The following NR3C2 variants were observed in gnomAD, a reference collection of about 807,000 sequenced individuals.
NR3C2 encodes nuclear receptor subfamily 3 group C member 2, also known as mineralocorticoid receptor.
NR3C2 carries 15 observed loss-of-function variants against 86.4 expected under a neutral mutation model. The observed-to-expected ratio is 0.17, with a 90% CI of 0.12 to 0.27. The LOEUF (loss-of-function observed/expected upper bound fraction) is 0.27, where lower values mean the gene tolerates loss of function less well. Ranked by LOEUF, NR3C2 falls within the 10% of genes least tolerant of loss-of-function variation. NR3C2 has a pLI of 1.00. For missense variants in NR3C2, 960 were observed against 1,195.6 expected, an observed-to-expected ratio of 0.80 and a Z score of 2.91; for synonymous variants, 458 against 450.5, an observed-to-expected ratio of 1.02 and a Z score of -0.21.
chr4:148,271,441 C>A (rs2149885198), intron 2 of NR3C2, among the ~76,000 whole-genome samples: 1 of 122,744 alleles, frequency 8.1e-6, no homozygotes, highest in East Asian at 2.6e-4. Flanking sequence ...ATACTTGAAG[C>A]CTAAGGTTTC....
At chr4:148,285,013 CAG>C (rs1377721443) in intron 2 of NR3C2, among the ~76,000 whole-genome samples, 1 of 152,170 alleles carries the variant, frequency 6.6e-6, no homozygotes, top group Non-Finnish European at 1.5e-5. Context: ...TTGCTGGACT[CAG>C]AAGCCAATTC....
chr4:148,207,473 T>C (rs1171603542), intron 3 of NR3C2, among the ~76,000 whole-genome samples: 1 of 152,232 alleles, frequency 6.6e-6, no homozygotes, highest in Non-Finnish European at 1.5e-5. Flanking sequence ...TTTGGCTAAA[T>C]TTGTTTAAAA....
At chr4:148,254,985 A>G (rs555885551) in intron 3 of NR3C2, among the ~76,000 whole-genome samples, 2 of 152,282 alleles carry the variant, frequency 1.3e-5, no homozygotes, top group East Asian at 3.9e-4. Context: ...TATTTGAATT[A>G]TTACGTAATA....
At position 148,139,183 on chromosome 4, in the gene NR3C2, C is replaced by A. The variant is rs145569075; in HGVS notation, c.2510+13286G>T. 2.8e-3 allele frequency among the ~76,000 whole-genome samples: 425 copies of A among 152,308 alleles called. 1 individual carries two copies. Among genetic ancestry groups the A allele is most frequent in the African/African-American group, 9.5e-3 (393 of 41,568 alleles). ...GAAACCATCATTAGGCTCCAAAGCT[C>A]TATACTGTGTGTAACTGCCTGAAAA... On this transcript the variant is annotated intron_variant, in intron 6 of 8. Transcript: ENST00000358102.
intron 2 of NR3C2, among the ~76,000 whole-genome samples, chr4:148,316,877 C>G (rs1743213746): frequency 6.6e-6 from 1 of 152,152 alleles, no homozygotes; most frequent in African/African-American, 2.4e-5. Context: ...TCATGGCTCA[C>G]TGCAGCCTAG....
Position 148,080,324 on chromosome 4 carries a change from A to G in NR3C2, c.*1020T>C, listed in dbSNP as rs956374924. Reference sequence around the variant, plus strand: ...GTTTCAAGACAACCGAAGAGGTTTCAGTGTGGTTATTTACAACAGAGACTG... The same window carrying G: ...GTTTCAAGACAACCGAAGAGGTTTCGGTGTGGTTATTTACAACAGAGACTG... On this transcript the variant is annotated 3_prime_UTR_variant, in exon 9 of 9. Coordinates refer to ENST00000358102, the MANE Select transcript of NR3C2 (RefSeq NM_000901.5). 2.6e-5 allele frequency: 4 copies of G among 152,702 alleles called. No individual in the cohort carries two copies. The highest frequency in any genetic ancestry group is 4.4e-5 in the Non-Finnish European group (3 of 68,046). 9.5% of individuals were successfully genotyped at this position (152,702 alleles called of 1,614,324 possible). A position where few individuals can be genotyped will look rare whatever the true frequency, so the allele number is the denominator to read the frequency against.
At chr4:148,246,353 G>C (rs866219410) in intron 3 of NR3C2, among the ~76,000 whole-genome samples, 54 of 152,104 alleles carry the variant, frequency 3.6e-4, no homozygotes, top group Non-Finnish European at 3.4e-4. Context: ...GAAAATGTTT[G>C]CTAATTTTTC....
intron 8 of NR3C2, among the ~76,000 whole-genome samples, chr4:148,085,234 G>A (rs1730758984): frequency 6.6e-6 from 1 of 152,094 alleles, no homozygotes. Flanking sequence ...TTCTAAAATT[G>A]ACCACGTAAT....
chr4:148,324,079 T>C (rs1032083070), intron 2 of NR3C2, among the ~76,000 whole-genome samples: 53 of 152,266 alleles, frequency 3.5e-4, no homozygotes, highest in Admixed American at 2.7e-3. Flanking sequence ...GACCATCATC[T>C]ACCACCATCA....
chr4:148,409,353 G>C (rs546513752), intron 2 of NR3C2, among the ~76,000 whole-genome samples: 1 of 151,798 alleles, frequency 6.6e-6, no homozygotes, highest in Non-Finnish European at 1.5e-5. Flanking sequence ...AAAATTCTTG[G>C]TGTTTTTCCT....
chr4:148,107,935 GCAAACCAC>G (rs2149722761), intron 8 of NR3C2, among the ~76,000 whole-genome samples: 1 of 152,184 alleles, frequency 6.6e-6, no homozygotes, highest in African/African-American at 2.4e-5. Context: ...GATAGGTGCA[GCAAACCAC>G]CATGGCACAT....
chr4:148,288,493 A>G (rs1741640634), intron 2 of NR3C2, among the ~76,000 whole-genome samples: 3 of 152,210 alleles, frequency 2.0e-5, no homozygotes, highest in Non-Finnish European at 4.4e-5. Context: ...TTGGCTGGTG[A>G]CATAAATGCC....
chr4:148,178,429 G>A (rs1029829675), intron 4 of NR3C2, among the ~76,000 whole-genome samples: 5 of 151,790 alleles, frequency 3.3e-5, no homozygotes, highest in Middle Eastern at 3.4e-3. Flanking sequence ...ACTTTTAAAT[G>A]TATGGATAAC....
chr4:148,310,296 C>T (rs1257953207), intron 2 of NR3C2, among the ~76,000 whole-genome samples: 1 of 152,136 alleles, frequency 6.6e-6, no homozygotes, highest in Non-Finnish European at 1.5e-5. Flanking sequence ...CCCAAGGCTC[C>T]ATGTACTCCA....
chr4:148,374,716 A>G (rs1163416204), intron 2 of NR3C2, among the ~76,000 whole-genome samples: 17 of 152,174 alleles, frequency 1.1e-4, no homozygotes, highest in East Asian at 1.9e-4. Context: ...AATCAGTCCA[A>G]TGAAAATCCC....
At chr4:148,284,545 AG>A (rs1205217741) in intron 2 of NR3C2, among the ~76,000 whole-genome samples, 1 of 152,184 alleles carries the variant, frequency 6.6e-6, no homozygotes, top group Non-Finnish European at 1.5e-5. Context: ...ATCAGGTAAA[AG>A]AATAAATACA....
chr4:148,083,183 CTGAAGAGAGCAGT>C (rs1479387012), intron 8 of NR3C2, among the ~76,000 whole-genome samples: 4 of 152,344 alleles, frequency 2.6e-5, no homozygotes, highest in African/African-American at 9.6e-5. Flanking sequence ...CCTGCCGGCT[CTGAAGAGAGCAGT>C]GGTTCTCCCA....
intron 2 of NR3C2, among the ~76,000 whole-genome samples, chr4:148,366,932 A>C (rs2126353351): frequency 6.6e-6 from 1 of 152,266 alleles, no homozygotes; most frequent in Non-Finnish European, 1.5e-5. Context: ...ACCTACAAAA[A>C]AACTACTTCA....
chr4:148,123,022 G>A (rs907802852), intron 6 of NR3C2, among the ~76,000 whole-genome samples: 1 of 152,154 alleles, frequency 6.6e-6, no homozygotes, highest in Non-Finnish European at 1.5e-5. Context: ...ATAAACAGAC[G>A]TGCAAGTAGG....
Sources: allele counts gnomAD v4.1 joint callset (sites outside exome capture counted in the v4.1 genomes callset), GRCh38; gene constraint gnomAD v4.1.1; transcripts MANE v1.5; gene names NCBI Gene and HGNC (gene_info 2026-07-23, HGNC 2026-07-21).